The following CSMD1 variants were observed in gnomAD, a reference collection of about 807,000 sequenced individuals.
The protein encoded by CSMD1 is CUB and Sushi multiple domains 1, also known as CUB and sushi domain-containing protein 1.
A neutral mutation model predicts 417.5 loss-of-function variants in CSMD1; 213 were observed. The ratio of observed to expected loss-of-function variants is 0.51; its 90% CI spans 0.46 to 0.57. The LOEUF (loss-of-function observed/expected upper bound fraction) is 0.57, where lower values mean the gene tolerates loss of function less well. Ranked by LOEUF, CSMD1 falls within the 20% of genes least tolerant of loss-of-function variation. The pLI is 0.00. For synonymous variants in CSMD1, 2,862 were observed against 1,736.8 expected (o/e 1.65, Z -16.11); for missense variants, 6,923 against 4,529.7 (o/e 1.53, Z -15.17).
chr8:3,551,668 A>G (rs1266112600), intron 10 of CSMD1, among the ~76,000 whole-genome samples: 2 of 146,290 alleles, frequency 1.4e-5, no homozygotes, highest in Non-Finnish European at 3.0e-5. Flanking sequence ...GCCAGTGTAT[A>G]GTTTCTTACT....
At chr8:3,293,960 T>C (rs2117295140) in intron 25 of CSMD1, among the ~76,000 whole-genome samples, 1 of 152,324 alleles carries the variant, frequency 6.6e-6, no homozygotes, top group East Asian at 1.9e-4. Flanking sequence ...TGTGGTTTTA[T>C]CTACCTTTGG....
At position 3,348,141 on chromosome 8, in the gene CSMD1, T is replaced by G. The variant is rs777740062; in HGVS notation, c.3325A>C (p.Lys1109Gln). ...GACAGTAATGTTCCTTCATTTCCTTTGACACTTGCTCCACATTCGGCTACA... is the reference window on the plus strand; with the variant it reads ...GACAGTAATGTTCCTTCATTTCCTTGGACACTTGCTCCACATTCGGCTACA... The part of the protein sequence containing the change: ...RCVAECGASV[K>Q]GNEGTLLSPN... The change falls in exon 22 of 70, where the codon AAA becomes CAA. Residue 1109 changes from lysine to glutamine, a missense_variant. Lys to Gln is a moderately conservative substitution (Grantham distance 53, BLOSUM62 1). Transcript: ENST00000635120. 3.1e-6 allele frequency: 5 copies of G among 1,612,116 alleles called. No homozygotes were observed. The African/African-American group carries it at 6.7e-5, about 22-fold the overall frequency.
chr8:3,546,308 G>C (rs372109685), intron 10 of CSMD1, among the ~76,000 whole-genome samples: 2 of 152,162 alleles, frequency 1.3e-5, no homozygotes, highest in East Asian at 1.9e-4. Flanking sequence ...GGCCAAGGTG[G>C]GGGGATCATG....
chr8:4,972,067 G>T (rs575987597), intron 1 of CSMD1, among the ~76,000 whole-genome samples: 1 of 152,184 alleles, frequency 6.6e-6, no homozygotes, highest in South Asian at 2.1e-4. Context: ...AGAGGTAAGC[G>T]ATACCATACC....
At chr8:4,227,409 C>T (rs1289656599) in intron 3 of CSMD1, among the ~76,000 whole-genome samples, 1 of 152,094 alleles carries the variant, frequency 6.6e-6, no homozygotes, top group African/African-American at 2.4e-5. Context: ...ACCCTGTTGT[C>T]TTCCATTATA....
chr8:4,637,446 C>T lies in CSMD1; in HGVS notation c.198G>A (p.Glu66=). 6.2e-7 allele frequency: 1 copy of T among 1,613,826 alleles called. No individual in the cohort carries two copies. Among genetic ancestry groups the T allele is most frequent in the Non-Finnish European group, 8.5e-7 (1 of 1,179,868 alleles). ...ANCTWIIITG[E]RNRIQLSFHT... is the part of the protein sequence containing the mutation. Reference sequence around the variant, plus strand: ...GGAAGGACAACTGTATCCTATTGCGCTCGCCCGTGATGATGATCCAGGTGC... The same window carrying T: ...GGAAGGACAACTGTATCCTATTGCGTTCGCCCGTGATGATGATCCAGGTGC... The change falls in exon 2 of 70, where the codon GAG becomes GAA. Residue 66 remains glutamate (E), a synonymous_variant. Coordinates refer to ENST00000635120, the MANE Select transcript of CSMD1 (RefSeq NM_033225.6).
intron 1 of CSMD1, among the ~76,000 whole-genome samples, chr8:4,753,438 CACA>C (rs1343704052): frequency 1.3e-5 from 2 of 149,970 alleles, no homozygotes; most frequent in African/African-American, 4.9e-5. Flanking sequence ...CACACACACA[CACA>C]CACACATGCG....
intron 42 of CSMD1, among the ~76,000 whole-genome samples, chr8:3,111,385 G>A (rs1392609570): frequency 6.6e-6 from 1 of 152,156 alleles, no homozygotes; most frequent in Non-Finnish European, 1.5e-5. Flanking sequence ...GACTACTTTA[G>A]AAGTTTTACT....
At chr8:4,014,254 A>T (rs1415733650) in intron 4 of CSMD1, among the ~76,000 whole-genome samples, 1 of 152,222 alleles carries the variant, frequency 6.6e-6, no homozygotes, top group South Asian at 2.1e-4. Flanking sequence ...AGCAACAAAC[A>T]CAGTGCTATA....
chr8:4,760,724 A>G (rs1021667219), intron 1 of CSMD1, among the ~76,000 whole-genome samples: 2 of 152,184 alleles, frequency 1.3e-5, no homozygotes, highest in Non-Finnish European at 2.9e-5. Context: ...GTATTTTGTA[A>G]TAATGATTAA....
chr8:3,179,768 A>T (rs1479417786), intron 37 of CSMD1, among the ~76,000 whole-genome samples: 1 of 152,212 alleles, frequency 6.6e-6, no homozygotes, highest in Non-Finnish European at 1.5e-5. Flanking sequence ...GAGAGTCACA[A>T]AGTATATCAA....
intron 1 of CSMD1, among the ~76,000 whole-genome samples, chr8:4,973,465 C>T (rs369483961): frequency 3.3e-5 from 5 of 152,108 alleles, no homozygotes; most frequent in East Asian, 1.9e-4. Flanking sequence ...TTAAATTATA[C>T]ATTTTCATTT....
chr8:3,041,697 T>C (rs1811110106), intron 50 of CSMD1, among the ~76,000 whole-genome samples: 1 of 152,224 alleles, frequency 6.6e-6, no homozygotes, highest in Non-Finnish European at 1.5e-5. Flanking sequence ...CATTTAGAAC[T>C]GTTAAATGAA....
chr8:3,526,742 T>A (rs1797769517), intron 10 of CSMD1, among the ~76,000 whole-genome samples: 1 of 152,204 alleles, frequency 6.6e-6, no homozygotes. Context: ...ATAAGTTACT[T>A]ACCCTCATTC....
Position 3,325,692 on chromosome 8 carries a change from C to T in CSMD1, c.3632-17189G>A, listed in dbSNP as rs148058277. On this transcript the variant is annotated intron_variant, in intron 23 of 69. Coordinates refer to ENST00000635120, the MANE Select transcript of CSMD1 (RefSeq NM_033225.6). ...TACAGAAGTTAGCTGGGCATGGTGGCAGGCGCCTATAATCCCAGCTACTCG... is the reference window on the plus strand; with the variant it reads ...TACAGAAGTTAGCTGGGCATGGTGGTAGGCGCCTATAATCCCAGCTACTCG... 5.1e-3 allele frequency among the ~76,000 whole-genome samples: 770 copies of T among 152,216 alleles called. 3 individuals are homozygous for T. The highest frequency in any genetic ancestry group is 0.018 in the African/African-American group (729 of 41,546).
chr8:3,854,089 AATTAC>A (rs2129101787), intron 5 of CSMD1, among the ~76,000 whole-genome samples: 1 of 146,382 alleles, frequency 6.8e-6, no homozygotes, highest in African/African-American at 2.5e-5. Flanking sequence ...ACTAAAGAAA[AATTAC>A]ATTATACTTT....
chr8:2,938,519 C>G lies in CSMD1; in HGVS notation c.*66G>C. 1 of 1,487,710 alleles carries G rather than the reference C, an allele frequency of 6.7e-7. No individual in the cohort carries two copies. Among genetic ancestry groups the G allele is most frequent in the Non-Finnish European group, 9.1e-7 (1 of 1,094,532 alleles). 92.2% of individuals were successfully genotyped at this position (1,487,710 alleles called of 1,614,324 possible). ...GTGGAAGGGAGAGTGGTATATGGCA[C>G]CAAAGGAATCACTGCTTGTCCATCA... On this transcript the variant is annotated 3_prime_UTR_variant, in exon 70 of 70. Transcript: ENST00000635120.
intron 6 of CSMD1, among the ~76,000 whole-genome samples, chr8:3,713,224 C>T (rs1418586129): frequency 6.6e-6 from 1 of 152,070 alleles, no homozygotes; most frequent in African/African-American, 2.4e-5. Context: ...TTTAGTTTTC[C>T]TTTTTTCTCC....
At chr8:4,339,209 C>T (rs952463270) in intron 3 of CSMD1, among the ~76,000 whole-genome samples, 2 of 152,090 alleles carry the variant, frequency 1.3e-5, no homozygotes, top group Non-Finnish European at 1.5e-5. Flanking sequence ...TGCAAGTATA[C>T]CCCAGGCAAT....
Sources: gnomAD v4.1 joint callset for allele counts (sites outside exome capture counted in the v4.1 genomes callset) on GRCh38, gnomAD v4.1.1 for gene constraint, MANE v1.5 for transcripts, NCBI Gene and HGNC (gene_info 2026-07-23, HGNC 2026-07-21) for gene names.